Variants in AXIN1 observed in about 807,000 individuals in gnomAD.
AXIN1 encodes axin-1.
AXIN1 carries 30 observed loss-of-function variants against 76.4 expected under a neutral mutation model. That is an observed-to-expected ratio of 0.39 (90% CI 0.29 to 0.53). The LOEUF (loss-of-function observed/expected upper bound fraction) is 0.53. Among genes scored for constraint, AXIN1 ranks in the 20% least tolerant of loss-of-function variants. AXIN1 has a pLI of 0.66. For synonymous variants in AXIN1, 545 were observed against 501.4 expected (o/e 1.09, Z -1.16); for missense variants, 1,140 against 1,198.8 (o/e 0.95, Z 0.72).
intron 2 of AXIN1, among the ~76,000 whole-genome samples, chr16:335,879 A>C (rs943143603): frequency 1.1e-4 from 17 of 152,214 alleles, no homozygotes; most frequent in African/African-American, 4.1e-4. Flanking sequence ...GGAAAGTAAA[A>C]TATTTAATCA....
chr16:314,814 G>T, intron 2 of AXIN1, 131 bp from the exon 3 acceptor site: 1 of 1,393,606 alleles, frequency 7.2e-7, no homozygotes, highest in Non-Finnish European at 9.8e-7. Flanking sequence ...AAAATAAGGA[G>T]CATGGAGAAA....
At chr16:305,159 G>A (rs1156645245) in intron 4 of AXIN1, among the ~76,000 whole-genome samples, 1 of 152,238 alleles carries the variant, frequency 6.6e-6, no homozygotes, top group African/African-American at 2.4e-5. Flanking sequence ...TCTGGGAAAG[G>A]CAGGCTTTCC....
At chr16:294,460 C>CA (rs35746106) in intron 7 of AXIN1, among the ~76,000 whole-genome samples, 12,513 of 47,392 alleles carry the variant, frequency 0.26, 1,916 homozygotes, top group African/African-American at 0.34. Context: ...GACTCCATCT[C>CA]AAAAAAAAAA....
intron 10 of AXIN1, 85 bp from the exon 11 acceptor site, chr16:288,333 C>G (rs769863733): frequency 3.3e-6 from 5 of 1,495,574 alleles, no homozygotes; most frequent in Non-Finnish European, 4.4e-6. Context: ...CGTGTCCACA[C>G]CCCATCCCGA....
chr16:318,950 G>GCGGC (rs2053374558), intron 2 of AXIN1, among the ~76,000 whole-genome samples: 1 of 151,698 alleles, frequency 6.6e-6, no homozygotes, highest in African/African-American at 2.4e-5. Context: ...TGGAGAGAAT[G>GCGGC]CGGCCGGGGC....
At chr16:351,769 A>C (rs1254861349) in intron 1 of AXIN1, among the ~76,000 whole-genome samples, 1 of 152,142 alleles carries the variant, frequency 6.6e-6, no homozygotes, top group Non-Finnish European at 1.5e-5. Context: ...TATATCTTAT[A>C]GATGGGCTGA....
At chr16:324,354 G>A (rs931577610) in intron 2 of AXIN1, among the ~76,000 whole-genome samples, 2 of 152,326 alleles carry the variant, frequency 1.3e-5, no homozygotes, top group Non-Finnish European at 2.9e-5. Flanking sequence ...GCCGGAATGC[G>A]GGTGCATAGA....
intron 2 of AXIN1, among the ~76,000 whole-genome samples, chr16:336,409 C>T (rs1335050697): frequency 3.9e-5 from 6 of 152,160 alleles, no homozygotes; most frequent in East Asian, 3.9e-4. Flanking sequence ...CGAACCGTGT[C>T]GCCCAATTAA....
rs2141510797 is a variant in AXIN1 at position 297,876 on chromosome 16, C to A, written c.1630G>T (p.Ala544Ser). ...GCCTCCACCTGCTCCTTGGGCCGGG[C>A]TGTGCTGTGGTGGACGTGGTGGTGG... ...HVHHHVHHST[A>S]RPKEQVEAEA... The change falls in exon 6 of 11, where the codon GCC becomes TCC. Residue 544 changes from alanine (A) to serine (S), a missense_variant. Ala to Ser is a moderately conservative substitution (Grantham distance 99, BLOSUM62 1). This residue lies in a region of AXIN1 where 708 missense variants were observed against 776.9 expected (regional missense o/e 0.91). Coordinates refer to ENST00000262320, the MANE Select transcript of AXIN1 (RefSeq NM_003502.4). 1 of 1,587,190 alleles carries A rather than the reference C, an allele frequency of 6.3e-7. No individual in the cohort carries two copies.
chr16:314,437 GT>G, intron 3 of AXIN1, 105 bp downstream of exon 3: 1 of 1,543,786 alleles, frequency 6.5e-7, no homozygotes, highest in Non-Finnish European at 8.8e-7. Context: ...GAAACAGGGT[GT>G]CTGGGGCAGG....
intron 2 of AXIN1, among the ~76,000 whole-genome samples, chr16:325,875 C>T (rs1490267918): frequency 6.6e-6 from 1 of 152,116 alleles, no homozygotes. Context: ...CATGAACTTC[C>T]ATATGAATGT....
At chr16:302,848 C>T (rs1426666431) in intron 5 of AXIN1, among the ~76,000 whole-genome samples, 2 of 152,198 alleles carry the variant, frequency 1.3e-5, no homozygotes, top group African/African-American at 4.8e-5. Context: ...GCCCACTGAC[C>T]TCCCATAGGA....
intron 2 of AXIN1, among the ~76,000 whole-genome samples, chr16:328,829 C>T (rs1275390843): frequency 6.6e-6 from 1 of 152,106 alleles, no homozygotes; most frequent in Non-Finnish European, 1.5e-5. Context: ...AGAGTGTGGC[C>T]GGGCACCCTG....
chr16:332,015 A>C (rs1468989097), intron 2 of AXIN1, among the ~76,000 whole-genome samples: 2 of 152,160 alleles, frequency 1.3e-5, no homozygotes, highest in Non-Finnish European at 2.9e-5. Flanking sequence ...CCAGGGCCTC[A>C]GTTTCCACAT....
chr16:319,356 G>A (rs2053386396), intron 2 of AXIN1, among the ~76,000 whole-genome samples: 1 of 152,184 alleles, frequency 6.6e-6, no homozygotes, highest in Non-Finnish European at 1.5e-5. Flanking sequence ...GAGGAGGCAT[G>A]AGAAGACACG....
At chr16:295,958 C>G (rs1284681905) in intron 7 of AXIN1, among the ~76,000 whole-genome samples, 2 of 135,302 alleles carry the variant, frequency 1.5e-5, no homozygotes, top group Non-Finnish European at 3.2e-5. Flanking sequence ...CAGAGCTAGA[C>G]TCCGTCTCAA....
intron 2 of AXIN1, among the ~76,000 whole-genome samples, chr16:329,202 A>G (rs568238515): frequency 1.1e-3 from 163 of 147,458 alleles, no homozygotes; most frequent in African/African-American, 4.1e-3. Context: ...GCTTGAACCC[A>G]GGAGGCAGAG....
rs1254255974 is a variant in AXIN1 at position 352,612 on chromosome 16, G to A, written c.-325C>T. The A allele has an allele frequency of 1.8e-5, 3 of 163,712 alleles. No individual in the cohort carries two copies. The highest frequency in any genetic ancestry group is 3.8e-5 in the Non-Finnish European group (3 of 79,604). 10.1% of individuals were successfully genotyped at this position (163,712 alleles called of 1,614,324 possible). The stretch of plus-strand genomic sequence containing the variant: ...CTCCGCGTGGACGCGGCTCCGGGCC[G>A]ACTCCGGCCGGCTCTGGCGGCGGCA... On this transcript the variant is annotated 5_prime_UTR_variant, in exon 1 of 11. Coordinates refer to ENST00000262320, the MANE Select transcript of AXIN1 (RefSeq NM_003502.4).
intron 2 of AXIN1, among the ~76,000 whole-genome samples, chr16:343,254 T>A (rs2053964766): frequency 6.6e-6 from 1 of 152,126 alleles, no homozygotes; most frequent in African/African-American, 2.4e-5. Flanking sequence ...TTATTACAAA[T>A]ACAGCAAACC....
Sources: allele counts gnomAD v4.1 joint callset (sites outside exome capture counted in the v4.1 genomes callset), GRCh38; gene constraint gnomAD v4.1.1; regional missense constraint gnomAD v4.1.1; transcripts MANE v1.5; gene names NCBI Gene and HGNC (gene_info 2026-07-23, HGNC 2026-07-21).